MPPED1: variants seen among roughly 807,000 people sequenced by gnomAD.
MPPED1 encodes the protein metallophosphoesterase domain-containing protein 1.
Under a neutral mutation model 36.2 loss-of-function variants are expected in MPPED1, and 16 were observed. That is an observed-to-expected ratio of 0.44 (90% confidence interval 0.30 to 0.67). MPPED1 has a LOEUF of 0.67. Among genes scored for constraint, MPPED1 ranks in the 30% least tolerant of loss-of-function variants. The pLI is 0.10. For missense variants in MPPED1, 307 were observed against 453.4 expected, an observed-to-expected ratio of 0.68 and a Z score of 2.93; for synonymous variants, 199 against 191.3, an observed-to-expected ratio of 1.04 and a Z score of -0.33.
chr22:43,431,719 C>G (rs1929693828), intron 2 of MPPED1, among the ~76,000 whole-genome samples: 2 of 152,224 alleles, frequency 1.3e-5, no homozygotes, highest in Non-Finnish European at 2.9e-5. Flanking sequence ...TGAAGAGAGC[C>G]ACTGCCTGTA....
At chr22:43,489,823 T>C (rs1440481961) in intron 4 of MPPED1, among the ~76,000 whole-genome samples, 4 of 152,174 alleles carry the variant, frequency 2.6e-5, no homozygotes, top group Non-Finnish European at 5.9e-5. Context: ...CCGGCCCCTG[T>C]CCACCAACAT....
intron 1 of MPPED1, chr22:43,416,936 C>T (rs1356762760): frequency 3.1e-6 from 3 of 977,458 alleles, no homozygotes; most frequent in Non-Finnish European, 3.6e-6. Context: ...TGAAGACAAG[C>T]CCGGCGAGCC....
intron 3 of MPPED1, among the ~76,000 whole-genome samples, chr22:43,465,525 A>T (rs556557308): frequency 6.6e-6 from 1 of 152,320 alleles, no homozygotes; most frequent in South Asian, 2.1e-4. Flanking sequence ...AGCGCTGAAC[A>T]AGGCAGGGGC....
chr22:43,497,391 T>A (rs537183900), intron 4 of MPPED1, among the ~76,000 whole-genome samples: 2 of 151,970 alleles, frequency 1.3e-5, no homozygotes, highest in African/African-American at 4.8e-5. Flanking sequence ...AGGGTGGGTG[T>A]CTGGTCCAGT....
At chr22:43,501,680 A>T (rs958395565) in intron 5 of MPPED1, among the ~76,000 whole-genome samples, 12 of 152,138 alleles carry the variant, frequency 7.9e-5, no homozygotes, top group Non-Finnish European at 1.6e-4. Flanking sequence ...CTATTGGATG[A>T]AACGGAGGCA....
intron 6 of MPPED1, among the ~76,000 whole-genome samples, chr22:43,503,035 C>T (rs1193223875): frequency 1.3e-5 from 2 of 152,090 alleles, no homozygotes; most frequent in South Asian, 2.1e-4. Context: ...GGGAAGCCGT[C>T]GGGAGGTGGG....
At chr22:43,415,775 C>G (rs1929058609) in intron 1 of MPPED1, among the ~76,000 whole-genome samples, 3 of 152,212 alleles carry the variant, frequency 2.0e-5, no homozygotes, top group Admixed American at 2.0e-4. Flanking sequence ...CCACCCCAAT[C>G]TACACCTGAA....
chr22:43,415,617 C>T (rs765277622), intron 1 of MPPED1, among the ~76,000 whole-genome samples: 2 of 152,156 alleles, frequency 1.3e-5, no homozygotes, highest in Non-Finnish European at 2.9e-5. Context: ...TTTCTTGGAC[C>T]TGAACTTGGC....
chr22:43,428,537 G>A (rs1334199116), intron 2 of MPPED1, among the ~76,000 whole-genome samples: 1 of 152,226 alleles, frequency 6.6e-6, no homozygotes, highest in Non-Finnish European at 1.5e-5. Flanking sequence ...CCCAGGAGCG[G>A]TGGGGGGATG....
At chr22:43,447,633 G>A (rs917409193) in intron 3 of MPPED1, among the ~76,000 whole-genome samples, 26 of 151,334 alleles carry the variant, frequency 1.7e-4, no homozygotes, top group African/African-American at 5.1e-4. Flanking sequence ...GTAGAGGGGC[G>A]TCTCCCCTCC....
At chr22:43,487,436 G>T (rs193242264) in intron 4 of MPPED1, among the ~76,000 whole-genome samples, 1 of 152,362 alleles carries the variant, frequency 6.6e-6, no homozygotes, top group African/African-American at 2.4e-5. Flanking sequence ...GACCTGGAAG[G>T]TGGGCAGGGC....
rs1932819182 is a variant in MPPED1, at chr22:43,506,530, G to C, written c.*914G>C. The C allele has an allele frequency of 6.6e-6, 1 of 152,310 alleles. No homozygotes were observed. The highest frequency in any genetic ancestry group is 6.5e-5 in the Admixed American group (1 of 15,284). The allele number at this position is 152,310 out of a possible 1,614,324, so 9.4% of individuals were successfully genotyped here. A position where few individuals can be genotyped will look rare whatever the true frequency, so the allele number is the denominator to read the frequency against. Reference sequence around the variant, plus strand: ...CTCTTAATTGAACCAAGTGGGTCCTGTGTTTCTCTTTTCTGCCCCGTAGTG... The same window carrying C: ...CTCTTAATTGAACCAAGTGGGTCCTCTGTTTCTCTTTTCTGCCCCGTAGTG... On this transcript the variant is annotated 3_prime_UTR_variant, in exon 7 of 7. Coordinates refer to ENST00000443721, the MANE Select transcript of MPPED1 (RefSeq NM_001044370.2).
intron 5 of MPPED1, among the ~76,000 whole-genome samples, chr22:43,499,312 A>AGGT (rs1306038135): frequency 1.2e-4 from 10 of 81,664 alleles, no homozygotes; most frequent in Admixed American, 6.1e-4. Context: ...GTGGTGATAG[A>AGGT]AGTGGTGACG....
chr22:43,496,622 A>AG (rs1932381282), intron 4 of MPPED1, among the ~76,000 whole-genome samples: 1 of 2,136 alleles, frequency 4.7e-4, no homozygotes, highest in Non-Finnish European at 7.0e-4. Context: ...GGTGGTGGAG[A>AG]TGGTGGTGGA....
In MPPED1 at chr22:43,479,822, G is replaced by C. The variant is rs191328182; in HGVS notation, c.632+4861G>C. On this transcript the variant is annotated intron_variant, in intron 4 of 6. Coordinates refer to ENST00000443721, the MANE Select transcript of MPPED1 (RefSeq NM_001044370.2). ...GGTTATAGCAACTGGCTTTTCTTCT[G>C]TTACCACTAAGAGATACTCTGCTTG... Among the ~76,000 whole-genome samples the C allele has an allele frequency of 1.4e-3, 215 of 152,308 alleles. 1 individual carries two copies. Among genetic ancestry groups the C allele is most frequent in the African/African-American group, 4.8e-3 (199 of 41,564 alleles).
intron 3 of MPPED1, among the ~76,000 whole-genome samples, chr22:43,436,158 G>A (rs115049379): frequency 0.028 from 4,259 of 152,294 alleles, 216 homozygotes; most frequent in African/African-American, 0.097. Flanking sequence ...GGGAAAACTC[G>A]CTTGCCTTGG....
At chr22:43,487,158 A>G (rs1931938875) in intron 4 of MPPED1, among the ~76,000 whole-genome samples, 1 of 152,110 alleles carries the variant, frequency 6.6e-6, no homozygotes, top group African/African-American at 2.4e-5. Context: ...GGGTTCAGGG[A>G]TGGACCTCAG....
intron 2 of MPPED1, among the ~76,000 whole-genome samples, chr22:43,429,426 G>C (rs1929596571): frequency 6.6e-6 from 1 of 152,234 alleles, no homozygotes; most frequent in South Asian, 2.1e-4. Context: ...GCTGCTTCCA[G>C]TTTCTCAAAC....
chr22:43,421,080 G>T (rs1163163665), intron 1 of MPPED1, among the ~76,000 whole-genome samples: 1 of 152,212 alleles, frequency 6.6e-6, no homozygotes, highest in Admixed American at 6.5e-5. Flanking sequence ...GAGCCCAGGC[G>T]GTCTCCCTGC....
Sources: allele counts gnomAD v4.1 joint callset (sites outside exome capture counted in the v4.1 genomes callset), GRCh38; gene constraint gnomAD v4.1.1; transcripts MANE v1.5; gene names NCBI Gene and HGNC (gene_info 2026-07-23, HGNC 2026-07-21).